The following UBE2T variants were observed in gnomAD, a reference collection of about 807,000 sequenced individuals.
UBE2T encodes ubiquitin-conjugating enzyme E2 T.
In UBE2T, 15 loss-of-function variants were observed where a neutral mutation model predicts 23.3. The observed-to-expected ratio is 0.64, with a 90% CI of 0.43 to 0.99. The LOEUF (loss-of-function observed/expected upper bound fraction) is 0.99, where lower values mean the gene tolerates loss of function less well. Ranked by LOEUF, UBE2T falls within the 50% of genes least tolerant of loss-of-function variation. The pLI is 0.00. For synonymous variants in UBE2T, 67 were observed against 78.4 expected, an observed-to-expected ratio of 0.85 and a Z score of 0.77; for missense variants, 197 against 234.9, an observed-to-expected ratio of 0.84 and a Z score of 1.05.
intron 1 of UBE2T, among the ~76,000 whole-genome samples, chr1:202,339,623 C>A (rs950556779): frequency 5.7e-4 from 58 of 102,278 alleles, no homozygotes; most frequent in East Asian, 1.0e-3. Flanking sequence ...AAAAAAAAAA[C>A]ATCTTCGTCC....
chr1:202,341,786 C>A (rs962157063), intron 1 of UBE2T, 109 bp downstream of exon 1: 2 of 152,124 alleles, frequency 1.3e-5, no homozygotes, highest in Non-Finnish European at 2.9e-5. Context: ...TCAGAGGAGA[C>A]GAAAACTCCC....
chr1:202,335,787 A>G lies in UBE2T; in HGVS notation c.-33T>C. 6.3e-7 allele frequency: 1 copy of G among 1,591,988 alleles called. No homozygotes were observed. Among genetic ancestry groups the G allele is most frequent in the Non-Finnish European group, 8.6e-7 (1 of 1,160,432 alleles). On this transcript the variant is annotated 5_prime_UTR_variant, in exon 2 of 7. Transcript: ENST00000646651. This position sits in a 1 kb window ranked among gnomAD's most constrained non-coding sequence, Gnocchi z 4.0. The stretch of plus-strand genomic sequence containing the variant: ...AAGTAGAAGGAACCACACACAGTTC[A>G]CTGCTCCACACTAAGAGCTGCCTGG...
chr1:202,335,794 C>T lies in UBE2T; in HGVS notation c.-40G>A. 1 of 1,581,944 alleles carries T rather than the reference C, an allele frequency of 6.3e-7. No individual in the cohort carries two copies. The highest frequency in any genetic ancestry group is 8.7e-7 in the Non-Finnish European group (1 of 1,151,624). ...AGGAACCACACACAGTTCACTGCTCCACACTAAGAGCTGCCTGGGATGCAC... is the reference window on the plus strand; with the variant it reads ...AGGAACCACACACAGTTCACTGCTCTACACTAAGAGCTGCCTGGGATGCAC... On this transcript the variant is annotated 5_prime_UTR_variant, in exon 2 of 7. Transcript: ENST00000646651. The surrounding 1 kb of genome is among the most constrained non-coding windows in gnomAD (Gnocchi z 4.0).
chr1:202,340,010 G>A (rs1375297697), intron 1 of UBE2T, among the ~76,000 whole-genome samples: 1 of 152,116 alleles, frequency 6.6e-6, no homozygotes, highest in East Asian at 1.9e-4. Flanking sequence ...GGGAGTTCCA[G>A]ACCAGCCTGG....
chr1:202,339,761 TG>T (rs1364419277), intron 1 of UBE2T, among the ~76,000 whole-genome samples: 1 of 152,134 alleles, frequency 6.6e-6, no homozygotes. Context: ...GGGGTGGGGC[TG>T]GGCACGGTGG....
chr1:202,340,095 A>G (rs1345843974), intron 1 of UBE2T, among the ~76,000 whole-genome samples: 1 of 151,978 alleles, frequency 6.6e-6, no homozygotes, highest in Non-Finnish European at 1.5e-5. Context: ...CTGTAATCCC[A>G]GCTACTCAGG....
In UBE2T at chr1:202,333,461, A is replaced by G; in HGVS notation, c.274T>C (p.Leu92=). The change falls in exon 4 of 7, where the codon TTG becomes CTG. Residue 92 remains leucine, a synonymous_variant. Coordinates refer to ENST00000646651, the MANE Select transcript of UBE2T (RefSeq NM_014176.4). ...TACCCACAACTCACTTTTGGTGGCAATTTGAGAACATCCAGACAAATCCTT... is the reference window on the plus strand; with the variant it reads ...TACCCACAACTCACTTTTGGTGGCAGTTTGAGAACATCCAGACAAATCCTT... ...AGRICLDVLK[L]PPKGAWRPSL... 1 of 1,614,196 alleles carries G rather than the reference A, an allele frequency of 6.2e-7. No homozygotes were observed. The highest frequency in any genetic ancestry group is 8.5e-7 in the Non-Finnish European group (1 of 1,180,030).
chr1:202,338,796 C>T (rs1213130180), intron 1 of UBE2T, among the ~76,000 whole-genome samples: 1 of 151,696 alleles, frequency 6.6e-6, no homozygotes, highest in Non-Finnish European at 1.5e-5. Flanking sequence ...TGACCTGAGC[C>T]CGGGGAGACT....
At chr1:202,333,655 AT>A in intron 3 of UBE2T, 100 bp from the exon 4 acceptor site, 4 of 1,123,164 alleles carry the variant, frequency 3.6e-6, no homozygotes, top group Non-Finnish European at 5.0e-6. Context: ...TATTATAGAA[AT>A]GTCAGGGAGA....
At chr1:202,337,005 G>A (rs1654900136) in intron 1 of UBE2T, among the ~76,000 whole-genome samples, 1 of 152,114 alleles carries the variant, frequency 6.6e-6, no homozygotes, top group Non-Finnish European at 1.5e-5. Flanking sequence ...GTGCAGTGGT[G>A]CGATCTCGGC....
chr1:202,334,203 A>C (rs1055456747), intron 3 of UBE2T, among the ~76,000 whole-genome samples: 3 of 152,150 alleles, frequency 2.0e-5, no homozygotes, highest in Non-Finnish European at 4.4e-5. Context: ...AACTCACCTG[A>C]TGAGAGCCTT....
At chr1:202,340,633 T>G (rs1654982229) in intron 1 of UBE2T, among the ~76,000 whole-genome samples, 1 of 152,246 alleles carries the variant, frequency 6.6e-6, no homozygotes, top group Admixed American at 6.5e-5. Flanking sequence ...CCATTTTATA[T>G]CTGGGACTTG....
intron 6 of UBE2T, among the ~76,000 whole-genome samples, 155 bp from the exon 7 acceptor site, chr1:202,332,115 AT>A (rs960339528): frequency 3.2e-4 from 49 of 152,128 alleles, no homozygotes; most frequent in African/African-American, 1.2e-3. Flanking sequence ...ATCTTCCTCA[AT>A]TTTTTTGTTT....
In UBE2T at chr1:202,335,129, T is replaced by A. The variant is rs1654853687; in HGVS notation, c.110-71A>T. The A allele has an allele frequency of 3.1e-6, 4 of 1,302,156 alleles. No homozygotes were observed. The highest frequency in any genetic ancestry group is 4.3e-6 in the Non-Finnish European group (4 of 925,914). The allele number at this position is 1,302,156 out of a possible 1,614,324, so 80.7% of individuals were successfully genotyped here. On this transcript the variant is annotated intron_variant, in intron 2 of 6. Coordinates refer to ENST00000646651, the MANE Select transcript of UBE2T (RefSeq NM_014176.4). The surrounding 1 kb of genome is among the most constrained non-coding windows in gnomAD (Gnocchi z 4.0). ...TTGAATTACTACCATATGGAGCTAA[T>A]GAGGTCTATGGTCCTAATAGAGAAA...
intron 3 of UBE2T, among the ~76,000 whole-genome samples, chr1:202,334,410 A>C (rs920373384): frequency 1.5e-4 from 23 of 152,196 alleles, no homozygotes; most frequent in Non-Finnish European, 2.2e-4. Context: ...GAGAAGGGCA[A>C]AACTACTGGA....
At chr1:202,332,907 C>CAAAAAAAAAAAAAAAAAAAAAAAA (rs56137992) in intron 6 of UBE2T, 103 bp downstream of exon 6, 2 of 157,068 alleles carry the variant, frequency 1.3e-5, no homozygotes, top group African/African-American at 7.6e-5. Context: ...GACTCCGTCT[C>CAAAAAAAAAAAAAAAAAAAAAAAA]AAAAAAAAAA....
chr1:202,339,528 G>A (rs1170059546), intron 1 of UBE2T, among the ~76,000 whole-genome samples: 1 of 144,528 alleles, frequency 6.9e-6, no homozygotes, highest in Non-Finnish European at 1.5e-5. Context: ...AAGATTTTTT[G>A]CTGGAAGTGT....
chr1:202,339,827 G>A (rs1184337367), intron 1 of UBE2T, among the ~76,000 whole-genome samples: 1 of 151,932 alleles, frequency 6.6e-6, no homozygotes, highest in Admixed American at 6.6e-5. Context: ...ATCACTTGAG[G>A]CCAGGGGTTC....
At position 202,335,697 on chromosome 1, in the gene UBE2T, G is replaced by C; in HGVS notation, c.58C>G (p.Pro20Ala). 1 of 1,614,054 alleles carries C rather than the reference G, an allele frequency of 6.2e-7. No individual in the cohort carries two copies. The highest frequency in any genetic ancestry group is 8.5e-7 in the Non-Finnish European group (1 of 1,180,020). The change falls in exon 2 of 7, where the codon CCA becomes GCA. Residue 20 changes from proline (P) to alanine (A), a missense_variant. Coordinates refer to ENST00000646651, the MANE Select transcript of UBE2T (RefSeq NM_014176.4). The surrounding 1 kb of genome is among the most constrained non-coding windows in gnomAD (Gnocchi z 4.0). ...TTATCTTGCCAACATGTGATGCCTGGGGGTGGCTCTGTGGCTAACATGTGC... is the reference window on the plus strand; with the variant it reads ...TTATCTTGCCAACATGTGATGCCTGCGGGTGGCTCTGTGGCTAACATGTGC... ...ELHMLATEPPPGITCWQDKDQ... is the reference protein window; with the variant it reads ...ELHMLATEPPAGITCWQDKDQ...
Sources: gnomAD v4.1 joint callset for allele counts (sites outside exome capture counted in the v4.1 genomes callset) on GRCh38, gnomAD v4.1.1 for gene constraint, Gnocchi (gnomAD v3.1) non-coding constraint, MANE v1.5 for transcripts, NCBI Gene and HGNC (gene_info 2026-07-23, HGNC 2026-07-21) for gene names.